LHPP: variants seen among roughly 807,000 people sequenced by gnomAD.
LHPP encodes the protein phospholysine phosphohistidine inorganic pyrophosphate phosphatase, also known as hLHPP.
In LHPP, 24 loss-of-function variants were observed where a neutral mutation model predicts 30.3. The ratio of observed to expected loss-of-function variants is 0.79; its 90% CI spans 0.57 to 1.11. The LOEUF is 1.11. Ranked by LOEUF, LHPP falls within the 50% of genes most tolerant of loss-of-function variation. LHPP has a pLI of 0.00. For synonymous variants in LHPP, 150 were observed against 157.1 expected (o/e 0.95, Z 0.34); for missense variants, 356 against 367.2 (o/e 0.97, Z 0.25).
intron 1 of LHPP, among the ~76,000 whole-genome samples, chr10:124,470,261 C>T (rs1369643066): frequency 6.6e-6 from 1 of 152,190 alleles, no homozygotes; most frequent in Non-Finnish European, 1.5e-5. Flanking sequence ...TGCATCCTGT[C>T]TTGGGCCACT....
intron 5 of LHPP, chr10:124,498,903 A>C: frequency 3.8e-6 from 1 of 263,352 alleles, no homozygotes; most frequent in Non-Finnish European, 7.3e-6. Context: ...TTTTTTTGAG[A>C]CAGAGTCTCA....
At chr10:124,561,175 G>A (rs1175558963) in intron 6 of LHPP, among the ~76,000 whole-genome samples, 5 of 152,174 alleles carry the variant, frequency 3.3e-5, no homozygotes, top group Non-Finnish European at 7.3e-5. Flanking sequence ...GGCACCTGGC[G>A]AGACAGAAAA....
chr10:124,471,028 CTTATG>C (rs1233016672), intron 1 of LHPP, among the ~76,000 whole-genome samples: 1 of 152,112 alleles, frequency 6.6e-6, no homozygotes, highest in Non-Finnish European at 1.5e-5. Context: ...AGGTGGCCTC[CTTATG>C]TAAACATTCT....
intron 1 of LHPP, among the ~76,000 whole-genome samples, chr10:124,475,231 C>T (rs113962320): frequency 0.036 from 5,471 of 151,644 alleles, 128 homozygotes; most frequent in Middle Eastern, 0.086. Context: ...CTGTGTTGTT[C>T]GCCATGTTGG....
In LHPP at chr10:124,590,556, C is replaced by G. The variant is rs78721026; in HGVS notation, c.717-22708C>G. Among the ~76,000 whole-genome samples, 6,319 of 152,266 alleles carry G rather than the reference C, an allele frequency of 0.041. 161 individuals are homozygous for G. The highest frequency in any genetic ancestry group is 0.061 in the South Asian group (296 of 4,822). ...CCAGCACCTGTCCCTTGTGTCATGACTGGACTTGTTACTTCTAGCCCAGGA... is the reference window on the plus strand; with the variant it reads ...CCAGCACCTGTCCCTTGTGTCATGAGTGGACTTGTTACTTCTAGCCCAGGA... On this transcript the variant is annotated intron_variant, in intron 6 of 6. Coordinates refer to ENST00000368842, the MANE Select transcript of LHPP (RefSeq NM_022126.4). The surrounding 1 kb of genome is among the most constrained non-coding windows in gnomAD (Gnocchi z 4.3).
rs1218678100 is a variant in LHPP, at chr10:124,596,242, T to C, written c.717-17022T>C. ...ATCTGTCCATGGCTCTTGGTGGACA[T>C]AGCCTCATTTCATGTGTGTGACTCA... On this transcript the variant is annotated intron_variant, in intron 6 of 6. Coordinates refer to ENST00000368842, the MANE Select transcript of LHPP (RefSeq NM_022126.4). The surrounding 1 kb of genome is among the most constrained non-coding windows in gnomAD (Gnocchi z 4.6). Among the ~76,000 whole-genome samples, 1 of 152,122 alleles carries C rather than the reference T, an allele frequency of 6.6e-6. No homozygotes were observed. Among genetic ancestry groups the C allele is most frequent in the Non-Finnish European group, 1.5e-5 (1 of 67,998 alleles).
chr10:124,469,214 G>T (rs1249110184), intron 1 of LHPP, among the ~76,000 whole-genome samples: 4 of 151,940 alleles, frequency 2.6e-5, no homozygotes, highest in Non-Finnish European at 5.9e-5. Context: ...GGGTCTTAGG[G>T]TTGGCAGGGG....
At chr10:124,498,955 C>T (rs1190680199) in intron 5 of LHPP, among the ~76,000 whole-genome samples, 1 of 150,820 alleles carries the variant, frequency 6.6e-6, no homozygotes, top group Admixed American at 6.6e-5. Context: ...TGTCTCGGCT[C>T]ACTGCAACCT....
rs1589814060 is a variant in LHPP at position 124,510,017 on chromosome 10, A to G, written c.625-7163A>G. Among the ~76,000 whole-genome samples the G allele has an allele frequency of 6.6e-6, 1 of 151,806 alleles. No homozygotes were observed. The highest frequency in any genetic ancestry group is 2.1e-4 in the South Asian group (1 of 4,784). Reference sequence around the variant, plus strand: ...AAGAGGGAGGATTGACTGCTGTAGCACCCGACCCAGGACACCTGCCTCTGG... The same window carrying G: ...AAGAGGGAGGATTGACTGCTGTAGCGCCCGACCCAGGACACCTGCCTCTGG... On this transcript the variant is annotated intron_variant, in intron 5 of 6. Transcript: ENST00000368842. The surrounding 1 kb of genome is among the most constrained non-coding windows in gnomAD (Gnocchi z 4.0).
chr10:124,588,113 G>A (rs972495195), intron 6 of LHPP, among the ~76,000 whole-genome samples: 5 of 152,198 alleles, frequency 3.3e-5, no homozygotes, highest in Non-Finnish European at 5.9e-5. Flanking sequence ...TTGAGAAAAC[G>A]TGACCCACTG....
Position 124,493,447 on chromosome 10 carries a change from G to A in LHPP, c.468-3514G>A, listed in dbSNP as rs562906379. 3.9e-5 allele frequency among the ~76,000 whole-genome samples: 6 copies of A among 152,326 alleles called. No individual in the cohort carries two copies. In the South Asian group the frequency reaches 1.0e-3, roughly 26 times the overall value. On this transcript the variant is annotated intron_variant, in intron 3 of 6. Transcript: ENST00000368842. ...GGCAGGAGCAGCGGGTGGAGGCGCC[G>A]GGGCAGACTGTCCCTCTCCTGGAAA...
In LHPP at chr10:124,482,864, C is replaced by T. The variant is rs139191892; in HGVS notation, c.126-1275C>T. Among the ~76,000 whole-genome samples the T allele has an allele frequency of 3.0e-3, 456 of 152,320 alleles. 2 individuals carry two copies. The highest frequency in any genetic ancestry group is 0.011 in the African/African-American group (441 of 41,560). On this transcript the variant is annotated intron_variant, in intron 1 of 6. Coordinates refer to ENST00000368842, the MANE Select transcript of LHPP (RefSeq NM_022126.4). The stretch of plus-strand genomic sequence containing the variant: ...CTCTTCTCAGTCACAAATTGCCCTT[C>T]CTTTGCAGGGTCTCTTGTTCCTATT...
At chr10:124,472,851 C>G (rs1952827396) in intron 1 of LHPP, among the ~76,000 whole-genome samples, 1 of 152,200 alleles carries the variant, frequency 6.6e-6, no homozygotes, top group African/African-American at 2.4e-5. Context: ...AGCCACTGCG[C>G]CCAGCCTAAA....
intron 6 of LHPP, among the ~76,000 whole-genome samples, chr10:124,595,297 G>A (rs1948929091): frequency 6.6e-6 from 1 of 152,166 alleles, no homozygotes; most frequent in Admixed American, 6.5e-5. Flanking sequence ...GCTGCCAGGG[G>A]GAGGAGGAGG....
chr10:124,467,515 T>C (rs1952587688), intron 1 of LHPP, among the ~76,000 whole-genome samples: 1 of 149,232 alleles, frequency 6.7e-6, no homozygotes, highest in Non-Finnish European at 1.5e-5. Context: ...TTTCTTTTCT[T>C]TTTCTTTTTT....
intron 6 of LHPP, among the ~76,000 whole-genome samples, chr10:124,585,662 C>T (rs960635777): frequency 2.0e-5 from 3 of 152,034 alleles, no homozygotes; most frequent in African/African-American, 7.2e-5. Flanking sequence ...AGGAGCCTTG[C>T]TGTGTTGCTC....
intron 2 of LHPP, among the ~76,000 whole-genome samples, chr10:124,485,440 C>A (rs1206841410): frequency 6.6e-6 from 1 of 151,898 alleles, no homozygotes; most frequent in African/African-American, 2.4e-5. Flanking sequence ...GGATGAATGC[C>A]CTTCCTCAGC....
chr10:124,510,397 G>A lies in LHPP; in HGVS notation c.625-6783G>A, dbSNP rs867685232. ...GCTCCAGGCAGCTGTGCACCCAGCC[G>A]GCCCTGGCGTCCCGGCCCCCAGCCT... On this transcript the variant is annotated intron_variant, in intron 5 of 6. Transcript: ENST00000368842. The surrounding 1 kb of genome is among the most constrained non-coding windows in gnomAD (Gnocchi z 4.0). 3.9e-5 allele frequency among the ~76,000 whole-genome samples: 6 copies of A among 152,134 alleles called. No homozygotes were observed. The highest frequency in any genetic ancestry group is 7.4e-5 in the Non-Finnish European group (5 of 68,016).
chr10:124,591,965 G>C (rs1299063571), intron 6 of LHPP, among the ~76,000 whole-genome samples: 2 of 152,138 alleles, frequency 1.3e-5, no homozygotes, highest in African/African-American at 4.8e-5. Context: ...ATGCCAACAG[G>C]TTCATCTGCT....
Sources: gnomAD v4.1 joint callset for allele counts (sites outside exome capture counted in the v4.1 genomes callset) on GRCh38, gnomAD v4.1.1 for gene constraint, Gnocchi (gnomAD v3.1) non-coding constraint, MANE v1.5 for transcripts, NCBI Gene and HGNC (gene_info 2026-07-23, HGNC 2026-07-21) for gene names.